PLEKHA8: variants seen among roughly 807,000 people sequenced by gnomAD.
PLEKHA8 encodes pleckstrin homology domain containing A8, also known as pleckstrin homology domain-containing family A member 8.
A neutral mutation model predicts 68.2 loss-of-function variants in PLEKHA8; 36 were observed. The ratio of observed to expected loss-of-function variants is 0.53; its 90% CI spans 0.40 to 0.70. PLEKHA8 has a LOEUF of 0.70. Ranked by LOEUF, PLEKHA8 falls within the 30% of genes least tolerant of loss-of-function variation. PLEKHA8 has a pLI of 0.00. For synonymous variants in PLEKHA8, 211 were observed against 216.1 expected, an observed-to-expected ratio of 0.98 and a Z score of 0.20; for missense variants, 505 against 615.4, an observed-to-expected ratio of 0.82 and a Z score of 1.90.
Position 30,083,738 on chromosome 7 carries a change from T to C in PLEKHA8, c.*4951T>C, listed in dbSNP as rs1472896887. The stretch of plus-strand genomic sequence containing the variant: ...TCCAGAGTGAACAAATGTTTTCAGC[T>C]AAGCTATGTGAGAATGTAAGAATAA... On this transcript the variant is annotated 3_prime_UTR_variant, in exon 14 of 14. Coordinates refer to ENST00000449726, the MANE Select transcript of PLEKHA8 (RefSeq NM_001197026.2). 1 of 985,128 alleles carries C rather than the reference T, an allele frequency of 1.0e-6. No homozygotes were observed. The highest frequency in any genetic ancestry group is 1.2e-6 in the Non-Finnish European group (1 of 829,748). 61.0% of individuals were successfully genotyped at this position (985,128 alleles called of 1,614,324 possible). A position where few individuals can be genotyped will look rare whatever the true frequency, so the allele number is the denominator to read the frequency against.
At chr7:30,073,600 G>A (rs1407878882) in intron 12 of PLEKHA8, among the ~76,000 whole-genome samples, 2 of 143,904 alleles carry the variant, frequency 1.4e-5, no homozygotes, top group Non-Finnish European at 3.0e-5. Context: ...TTCCATGTGA[G>A]CTTTTTTACT....
chr7:30,056,045 C>G (rs1792827652), intron 9 of PLEKHA8, among the ~76,000 whole-genome samples: 1 of 150,504 alleles, frequency 6.6e-6, no homozygotes. Context: ...CAGGTTCATG[C>G]TGTTCTCCTG....
chr7:30,105,627 A>G (rs1342526417), intron 13 of PLEKHA8, among the ~76,000 whole-genome samples: 1 of 152,248 alleles, frequency 6.6e-6, no homozygotes, highest in Non-Finnish European at 1.5e-5. Context: ...AATGATAGAA[A>G]ACATACAAAG....
chr7:30,115,255 C>T (rs1325299373), intron 13 of PLEKHA8, among the ~76,000 whole-genome samples: 1 of 152,146 alleles, frequency 6.6e-6, no homozygotes, highest in African/African-American at 2.4e-5. Flanking sequence ...TTAGGAGTCT[C>T]ATTCCACCCT....
intron 12 of PLEKHA8, among the ~76,000 whole-genome samples, chr7:30,068,675 C>G (rs1016064623): frequency 2.6e-5 from 4 of 152,120 alleles, no homozygotes; most frequent in African/African-American, 9.7e-5. Context: ...TTCTGTCAGT[C>G]TGTGGCTTGC....
chr7:30,041,841 A>G (rs1438416620), intron 1 of PLEKHA8, among the ~76,000 whole-genome samples: 1 of 152,078 alleles, frequency 6.6e-6, no homozygotes, highest in African/African-American at 2.4e-5. Flanking sequence ...ACATTTCAAC[A>G]ACTCTGAAAT....
At chr7:30,089,277 T>A (rs1795303543), downstream of PLEKHA8, among the ~76,000 whole-genome samples, 1 of 152,082 alleles carries the variant, frequency 6.6e-6, no homozygotes, top group South Asian at 2.1e-4. Context: ...ATGGAAAGAA[T>A]CACTTATCCA....
At chr7:30,061,206 T>C (rs1327471616) in intron 10 of PLEKHA8, among the ~76,000 whole-genome samples, 2 of 152,206 alleles carry the variant, frequency 1.3e-5, no homozygotes, top group Admixed American at 1.3e-4. Context: ...ACCGTGTGGA[T>C]CAGTAGGGTT....
chr7:30,116,011 TACGCATACATACG>T (rs1796510570), intron 13 of PLEKHA8: 5 of 145,740 alleles, frequency 3.4e-5, no homozygotes, highest in Non-Finnish European at 7.6e-5. Context: ...TACGCATACA[TACGCATACATACG>T]TATACATACA....
intron 13 of PLEKHA8, among the ~76,000 whole-genome samples, chr7:30,121,380 G>C (rs1341308202): frequency 1.3e-5 from 2 of 152,170 alleles, no homozygotes; most frequent in Non-Finnish European, 2.9e-5. Context: ...TGTAATTCCA[G>C]CATTTTGGGT....
intron 13 of PLEKHA8, among the ~76,000 whole-genome samples, chr7:30,097,921 G>A (rs1421624660): frequency 6.6e-6 from 1 of 152,126 alleles, no homozygotes; most frequent in Non-Finnish European, 1.5e-5. Context: ...AGAGTTTCTG[G>A]TTTTTCTGCT....
At chr7:30,047,765 A>C (rs10488085) in intron 3 of PLEKHA8, 67 bp from the exon 4 acceptor site, 10 of 1,473,220 alleles carry the variant, frequency 6.8e-6, no homozygotes, top group Admixed American at 4.0e-5. Flanking sequence ...CCTCTTCTGC[A>C]TAGTATCCTA....
At chr7:30,052,409 GGAGGATTGCCT>G (rs1472316152) in intron 6 of PLEKHA8, among the ~76,000 whole-genome samples, 1 of 152,136 alleles carries the variant, frequency 6.6e-6, no homozygotes, top group Non-Finnish European at 1.5e-5. Flanking sequence ...CGCTGAGGTG[GGAGGATTGCCT>G]GAGGCCAGGT....
rs993477455 is a variant in PLEKHA8, at chr7:30,028,419, C to T, written c.-344C>T. On this transcript the variant is annotated 5_prime_UTR_variant, in exon 1 of 14. Coordinates refer to ENST00000449726, the MANE Select transcript of PLEKHA8 (RefSeq NM_001197026.2). Reference sequence around the variant, plus strand: ...CGAGTCGAGGGTTCAGGTGGTGCGCCGTGGCGCCGCCTGCGACCGGCAGCT... The same window carrying T: ...CGAGTCGAGGGTTCAGGTGGTGCGCTGTGGCGCCGCCTGCGACCGGCAGCT... 2 of 242,666 alleles carry T rather than the reference C, an allele frequency of 8.2e-6. No individual in the cohort carries two copies. Among genetic ancestry groups the T allele is most frequent in the Non-Finnish European group, 7.9e-6 (1 of 126,508 alleles). The allele number at this position is 242,666 out of a possible 1,614,324, so 15.0% of individuals were successfully genotyped here.
intron 13 of PLEKHA8, among the ~76,000 whole-genome samples, chr7:30,103,399 A>G (rs1368125500): frequency 6.6e-6 from 1 of 152,272 alleles, no homozygotes; most frequent in Non-Finnish European, 1.5e-5. Flanking sequence ...TGTTCTAAAA[A>G]ATGCCAGCAA....
At chr7:30,114,836 A>G (rs1040870128) in intron 13 of PLEKHA8, among the ~76,000 whole-genome samples, 4 of 152,186 alleles carry the variant, frequency 2.6e-5, no homozygotes, top group African/African-American at 7.2e-5. Context: ...GTCATTTATC[A>G]TCATGGTTCC....
At chr7:30,062,767 A>G in intron 12 of PLEKHA8, 25 bp downstream of exon 12, 1 of 1,568,182 alleles carries the variant, frequency 6.4e-7, no homozygotes, top group Non-Finnish European at 8.8e-7. Context: ...TGTTTTGTTG[A>G]ATGAGTCAAT....
chr7:30,047,674 C>A (rs1405795691), intron 3 of PLEKHA8, among the ~76,000 whole-genome samples, 158 bp from the exon 4 acceptor site: 2 of 152,160 alleles, frequency 1.3e-5, no homozygotes, highest in South Asian at 2.1e-4. Flanking sequence ...ATTATGTCTT[C>A]ACCTGTCACA....
intron 5 of PLEKHA8, among the ~76,000 whole-genome samples, chr7:30,049,977 TA>T (rs1238490908): frequency 1.3e-5 from 2 of 152,254 alleles, no homozygotes; most frequent in African/African-American, 4.8e-5. Context: ...TAGATTGGTC[TA>T]AAAGCCTCTC....
Sources: allele counts gnomAD v4.1 joint callset (sites outside exome capture counted in the v4.1 genomes callset), GRCh38; gene constraint gnomAD v4.1.1; transcripts MANE v1.5; gene names NCBI Gene and HGNC (gene_info 2026-07-23, HGNC 2026-07-21).